The following SYNE2 variants were observed in gnomAD, a reference collection of about 807,000 sequenced individuals.
The protein encoded by SYNE2 is spectrin repeat containing nuclear envelope protein 2.
Under a neutral mutation model 856.3 loss-of-function variants are expected in SYNE2, and 431 were observed. The ratio of observed to expected loss-of-function variants is 0.50; its 90% confidence interval spans 0.47 to 0.55. The LOEUF (loss-of-function observed/expected upper bound fraction) is 0.55, where lower values mean the gene tolerates loss of function less well. Among genes scored for constraint, SYNE2 ranks in the 20% least tolerant of loss-of-function variants. The pLI, the probability that SYNE2 is intolerant of heterozygous loss-of-function variation, is 0.00. For synonymous variants in SYNE2, 2,923 were observed against 2,872.3 expected (o/e 1.02, Z -0.56); for missense variants, 8,129 against 8,023.2 (o/e 1.01, Z -0.50).
chr14:64,024,825 T>C (rs2096965138), intron 39 of SYNE2, 87 bp from the exon 40 acceptor site: 1 of 1,392,212 alleles, frequency 7.2e-7, no homozygotes, highest in African/African-American at 1.4e-5. Context: ...AAAAACCTGG[T>C]TGAGTCACAA....
At chr14:64,112,524 A>G (rs1595598891) in intron 65 of SYNE2, among the ~76,000 whole-genome samples, 1 of 152,220 alleles carries the variant, frequency 6.6e-6, no homozygotes, top group East Asian at 1.9e-4. Context: ...CATATCTAAT[A>G]TATAATTACT....
rs927848375 is a variant in SYNE2, at chr14:64,219,326, A to T, written c.19776A>T (p.Lys6592Asn). The T allele has an allele frequency of 6.2e-7, 1 of 1,614,136 alleles. No individual in the cohort carries two copies. The highest frequency in any genetic ancestry group is 1.3e-5 in the African/African-American group (1 of 75,026). Residue 6592 changes from lysine to asparagine, a missense_variant, in exon 110 of 116, where the codon AAA (lysine) becomes AAT (asparagine). Transcript: ENST00000555002. ...DISAITTWLK[K>N]TEAELEMLKM... ...GCGCCATCACTACTTGGCTGAAAAA[A>T]ACTGAAGCAGAGCTGGAAATGTTAA...
At chr14:64,165,014 A>G (rs1055378337) in intron 89 of SYNE2, among the ~76,000 whole-genome samples, 1 of 151,910 alleles carries the variant, frequency 6.6e-6, no homozygotes, top group Non-Finnish European at 1.5e-5. Context: ...CAGCCTCCCA[A>G]AAAGCTGGGA....
chr14:64,003,296 C>T lies in SYNE2; in HGVS notation c.4363C>T (p.Leu1455Phe). 1 of 1,614,072 alleles carries T rather than the reference C, an allele frequency of 6.2e-7. No homozygotes were observed. Among genetic ancestry groups the T allele is most frequent in the Non-Finnish European group, 8.5e-7 (1 of 1,180,020 alleles). ...DVQSQISKIGLKDPTVPAVKH... is the reference protein window; with the variant it reads ...DVQSQISKIGFKDPTVPAVKH... ...GCAGAGTCAAATCAGTAAAATTGGTCTTAAGGATCCTACTGTTCCAGCTGT... is the reference window on the plus strand; with the variant it reads ...GCAGAGTCAAATCAGTAAAATTGGTTTTAAGGATCCTACTGTTCCAGCTGT... Residue 1455 changes from leucine (L) to phenylalanine (F), a missense_variant, in exon 30 of 116, where the codon CTT becomes TTT. By Grantham distance (22) the Leu-to-Phe change is conservative. Around this residue, in one of 3 missense-constraint regions of SYNE2, gnomAD observed 2,422 missense variants for 2,357.4 expected, o/e 1.03. Transcript: ENST00000555002.
chr14:64,115,313 C>T (rs1163955426), intron 66 of SYNE2, among the ~76,000 whole-genome samples: 1 of 152,136 alleles, frequency 6.6e-6, no homozygotes, highest in South Asian at 2.1e-4. Flanking sequence ...GACAGGGAAG[C>T]TCTTTACTGC....
chr14:64,135,503 G>T (rs142056271), intron 78 of SYNE2, among the ~76,000 whole-genome samples: 1 of 151,748 alleles, frequency 6.6e-6, no homozygotes, highest in Non-Finnish European at 1.5e-5. Context: ...GGGTGGGAGT[G>T]GGGGTGATGA....
chr14:63,952,513 A>G (rs941667283), intron 7 of SYNE2, among the ~76,000 whole-genome samples: 11 of 152,294 alleles, frequency 7.2e-5, no homozygotes, highest in Middle Eastern at 6.8e-3. Flanking sequence ...AGTCTTACAC[A>G]CTCTAAAGTC....
intron 96 of SYNE2, among the ~76,000 whole-genome samples, chr14:64,183,171 C>G (rs1048997256): frequency 1.4e-5 from 2 of 143,960 alleles, no homozygotes; most frequent in Admixed American, 1.4e-4. Context: ...GGGCGACTGC[C>G]GGGCAGAGAC....
rs1209795183 is a variant in SYNE2 at position 63,948,780 on chromosome 14, GTGTATATATATATATATATATATATATA to G, written c.409-1043_409-1016del. ...TATATGTATATATATGTATGTGTGT[GTGTATATATATATATATATATATATATA>G]TATATATATATATATGTAGCTTAAT... On this transcript the variant is annotated intron_variant, in intron 6 of 115. Transcript: ENST00000555002. Among the ~76,000 whole-genome samples the G allele has an allele frequency of 7.3e-4, 60 of 81,992 alleles. 2 individuals are homozygous for G. In the South Asian group the frequency reaches 0.013, roughly 17 times the overall value. The allele number at this position is 81,992 out of a possible 152,430, so 53.8% of individuals were successfully genotyped here.
chr14:63,919,887 C>T (rs566806178), intron 2 of SYNE2, among the ~76,000 whole-genome samples: 12 of 149,886 alleles, frequency 8.0e-5, no homozygotes, highest in South Asian at 4.2e-4. Flanking sequence ...AATAGGAGAA[C>T]GAGGAAGTGG....
chr14:63,796,275 A>C (rs915797436), intron 1 of SYNE2, among the ~76,000 whole-genome samples: 5 of 152,220 alleles, frequency 3.3e-5, no homozygotes, highest in African/African-American at 1.2e-4. Context: ...CCTGGTCAAC[A>C]TGGTGAAACC....
At chr14:64,100,455 G>T (rs1467604085) in intron 63 of SYNE2, 1 of 143,048 alleles carries the variant, frequency 7.0e-6, no homozygotes, top group African/African-American at 2.6e-5. Flanking sequence ...GGCAGAGGTT[G>T]CAGTGAGCCG....
chr14:63,958,933 G>T (rs2153443018), intron 8 of SYNE2, among the ~76,000 whole-genome samples: 1 of 152,294 alleles, frequency 6.6e-6, no homozygotes, highest in South Asian at 2.1e-4. Context: ...AGCTCTTTCA[G>T]TTGGCTCTTA....
chr14:63,868,746 G>T (rs977802278), intron 1 of SYNE2, among the ~76,000 whole-genome samples: 9 of 152,166 alleles, frequency 5.9e-5, no homozygotes, highest in Non-Finnish European at 1.5e-5. Context: ...GTGTATGTGT[G>T]TGTGCTGGGG....
At chr14:64,017,798 T>C in intron 34 of SYNE2, 42 bp downstream of exon 34, 3 of 1,595,174 alleles carry the variant, frequency 1.9e-6, no homozygotes, top group Non-Finnish European at 2.6e-6. Context: ...TGGTACACAA[T>C]TGACATTTTT....
intron 99 of SYNE2, among the ~76,000 whole-genome samples, chr14:64,195,423 T>A (rs2098536645): frequency 6.6e-6 from 1 of 152,202 alleles, no homozygotes; most frequent in Non-Finnish European, 1.5e-5. Flanking sequence ...TCGTCCTTAT[T>A]AAGCCACTGA....
At chr14:64,154,369 AAAAGT>A (rs1394362655) in intron 85 of SYNE2, among the ~76,000 whole-genome samples, 1 of 151,796 alleles carries the variant, frequency 6.6e-6, no homozygotes, top group African/African-American at 2.4e-5. Flanking sequence ...ACAGCATCAA[AAAAGT>A]AAAGGCAAAC....
chr14:63,935,928 G>T (rs1346671438), intron 2 of SYNE2, among the ~76,000 whole-genome samples: 1 of 152,166 alleles, frequency 6.6e-6, no homozygotes, highest in Non-Finnish European at 1.5e-5. Flanking sequence ...GGGCTGGAGT[G>T]CAGTGGCACA....
At position 64,002,975 on chromosome 14, in the gene SYNE2, T is replaced by A. The variant is rs761870666; in HGVS notation, c.4042T>A (p.Ser1348Thr). Residue 1348 changes from serine (S) to threonine (T), a missense_variant, in exon 30 of 116, where the codon TCA (serine) becomes ACA (threonine). Ser to Thr is a moderately conservative substitution (Grantham distance 58, BLOSUM62 1). Around this residue, in one of 3 missense-constraint regions of SYNE2, gnomAD observed 2,422 missense variants for 2,357.4 expected, o/e 1.03. Coordinates refer to ENST00000555002, the MANE Select transcript of SYNE2 (RefSeq NM_182914.3). ...SAEPVTDLSA[S>T]DTQVAQENTL... ...TGAGCCCGTTACAGACCTTTCAGCC[T>A]CAGATACACAGGTGGCACAAGAAAA... is the stretch of plus-strand genomic sequence containing the variant. The A allele has an allele frequency of 1.2e-6, 2 of 1,614,154 alleles. No individual in the cohort carries two copies. The highest frequency in any genetic ancestry group is 1.7e-6 in the Non-Finnish European group (2 of 1,180,034).
Sources: allele counts gnomAD v4.1 joint callset (sites outside exome capture counted in the v4.1 genomes callset), GRCh38; gene constraint gnomAD v4.1.1; regional missense constraint gnomAD v4.1.1; transcripts MANE v1.5; gene names NCBI Gene and HGNC (gene_info 2026-07-23, HGNC 2026-07-21).